Variants in DNAJC6 observed in about 807,000 individuals in gnomAD.
DNAJC6 encodes DnaJ heat shock protein family (Hsp40) member C6.
DNAJC6 carries 34 observed loss-of-function variants against 110.0 expected under a neutral mutation model. The observed-to-expected ratio is 0.31, with a 90% CI of 0.24 to 0.41. The LOEUF is 0.41. Ranked by LOEUF, DNAJC6 falls within the 10% of genes least tolerant of loss-of-function variation. The probability of loss-of-function intolerance (pLI) is 1.00; values close to 1 mark genes in which losing one functional copy is unlikely to be tolerated. For missense variants in DNAJC6, 1,031 were observed against 1,207.8 expected, an observed-to-expected ratio of 0.85 and a Z score of 2.17; for synonymous variants, 406 against 437.2, an observed-to-expected ratio of 0.93 and a Z score of 0.89.
At chr1:65,406,265 A>G in intron 16 of DNAJC6, 132 bp downstream of exon 16, 1 of 1,285,086 alleles carries the variant, frequency 7.8e-7, no homozygotes, top group Non-Finnish European at 1.1e-6. Flanking sequence ...GGAATCTTAT[A>G]GTTGTAGAGA....
At chr1:65,302,559 C>T (rs1352736352) in intron 1 of DNAJC6, among the ~76,000 whole-genome samples, 1 of 121,952 alleles carries the variant, frequency 8.2e-6, no homozygotes, top group African/African-American at 3.3e-5. Flanking sequence ...GACGGAGTCT[C>T]GCTCTGTCGC....
At chr1:65,291,390 C>CT (rs1247981220) in intron 1 of DNAJC6, among the ~76,000 whole-genome samples, 2 of 152,080 alleles carry the variant, frequency 1.3e-5, no homozygotes, top group Non-Finnish European at 2.9e-5. Flanking sequence ...ATTCTTTCAG[C>CT]TTTTTTGGTA....
intron 13 of DNAJC6, 133 bp from the exon 14 acceptor site, chr1:65,398,677 AAGG>A: frequency 1.3e-6 from 1 of 773,940 alleles, no homozygotes; most frequent in Non-Finnish European, 2.1e-6. Flanking sequence ...AAGAACTCAG[AAGG>A]AGGAGTGGAT....
At chr1:65,291,593 A>G (rs1185344283) in intron 1 of DNAJC6, among the ~76,000 whole-genome samples, 2 of 152,204 alleles carry the variant, frequency 1.3e-5, no homozygotes, top group African/African-American at 4.8e-5. Flanking sequence ...ATATCCCTGC[A>G]TACTTGAGTG....
At chr1:65,383,898 A>G (rs1438508905) in intron 5 of DNAJC6, among the ~76,000 whole-genome samples, 1 of 152,244 alleles carries the variant, frequency 6.6e-6, no homozygotes, top group Non-Finnish European at 1.5e-5. Flanking sequence ...TATTAATTCA[A>G]CAAGTCCAAA....
intron 4 of DNAJC6, 79 bp downstream of exon 4, chr1:65,366,275 G>A (rs1032380191): frequency 2.3e-5 from 34 of 1,479,566 alleles, no homozygotes; most frequent in Middle Eastern, 1.8e-4. Context: ...CTTAAAGCAC[G>A]TGCCCTTAGG....
chr1:65,310,516 T>C (rs1310530949), intron 1 of DNAJC6, among the ~76,000 whole-genome samples: 3 of 152,232 alleles, frequency 2.0e-5, no homozygotes, highest in Non-Finnish European at 4.4e-5. Flanking sequence ...TAGAGCTCTT[T>C]TACACAGCTT....
intron 1 of DNAJC6, among the ~76,000 whole-genome samples, chr1:65,335,265 C>A (rs35390779): frequency 0.13 from 17,960 of 142,240 alleles, 1,429 homozygotes; most frequent in East Asian, 0.27. Context: ...ACACCACCCA[C>A]GCCCAGCTAA....
intron 1 of DNAJC6, among the ~76,000 whole-genome samples, chr1:65,311,516 C>T (rs1238999735): frequency 1.3e-5 from 2 of 151,988 alleles, no homozygotes; most frequent in South Asian, 2.1e-4. Context: ...TGAGCCACCG[C>T]GCCCAGGCAG....
chr1:65,413,293 G>A lies in DNAJC6; in HGVS notation c.*268G>A, dbSNP rs1238633557. The A allele has an allele frequency of 2.0e-5, 7 of 346,834 alleles. No homozygotes were observed. The East Asian group carries it at 4.4e-4, about 22-fold the overall frequency. The allele number at this position is 346,834 out of a possible 1,614,324, so 21.5% of individuals were successfully genotyped here. A position where few individuals can be genotyped will look rare whatever the true frequency, so the allele number is the denominator to read the frequency against. ...CGCATTCCACCCTGCCCTTTGGGGA[G>A]CCTACTCAGCATTCTACCTGGGGAA... On this transcript the variant is annotated 3_prime_UTR_variant, in exon 19 of 19. Coordinates refer to ENST00000371069, the MANE Select transcript of DNAJC6 (RefSeq NM_001256864.2).
Position 65,385,841 on chromosome 1 carries a change from T to C in DNAJC6, c.930T>C (p.Pro310=), listed in dbSNP as rs2101600889. Residue 310 remains proline (P), a synonymous_variant, in exon 7 of 19, where the codon CCT becomes CCC. Coordinates refer to ENST00000371069, the MANE Select transcript of DNAJC6 (RefSeq NM_001256864.2). ...ACAAACAGAGGAATGGATGTCGCCC[T>C]TACTGTGATGTACTCATTGGAGAAA... ...FFNKQRNGCR[P]YCDVLIGETK... The C allele has an allele frequency of 1.2e-6, 2 of 1,614,062 alleles. No individual in the cohort carries two copies. Among genetic ancestry groups the C allele is most frequent in the Non-Finnish European group, 1.7e-6 (2 of 1,179,948 alleles).
At chr1:65,394,473 A>G (rs1482351579) in intron 12 of DNAJC6, among the ~76,000 whole-genome samples, 1 of 152,240 alleles carries the variant, frequency 6.6e-6, no homozygotes, top group Non-Finnish European at 1.5e-5. Context: ...ACATATTAGC[A>G]TTGTTGCAAA....
At chr1:65,321,504 A>T (rs1405677115) in intron 1 of DNAJC6, among the ~76,000 whole-genome samples, 9 of 152,106 alleles carry the variant, frequency 5.9e-5, no homozygotes, top group Admixed American at 5.9e-4. Context: ...GCCTAAATTT[A>T]ATTTTTTAAA....
At chr1:65,317,576 C>T (rs1209736784) in intron 1 of DNAJC6, among the ~76,000 whole-genome samples, 1 of 152,096 alleles carries the variant, frequency 6.6e-6, no homozygotes, top group Non-Finnish European at 1.5e-5. Context: ...ATGTCACCAC[C>T]AAGGAAGCAA....
chr1:65,335,666 A>T (rs1645329700), intron 1 of DNAJC6, among the ~76,000 whole-genome samples: 1 of 152,184 alleles, frequency 6.6e-6, no homozygotes, highest in Non-Finnish European at 1.5e-5. Flanking sequence ...CATGTTGAAT[A>T]GACGAGTAGT....
At chr1:65,412,170 C>T (rs77537709) in intron 18 of DNAJC6, among the ~76,000 whole-genome samples, 4 of 152,156 alleles carry the variant, frequency 2.6e-5, no homozygotes, top group Admixed American at 2.6e-4. Flanking sequence ...AATTTGCCCT[C>T]TCTTGATTAT....
intron 1 of DNAJC6, among the ~76,000 whole-genome samples, chr1:65,297,034 A>G (rs1157198068): frequency 3.3e-5 from 5 of 152,214 alleles, no homozygotes; most frequent in Non-Finnish European, 5.9e-5. Flanking sequence ...TGTAAGTGCT[A>G]TGTTAGAAGA....
chr1:65,412,847 A>G, intron 18 of DNAJC6, 77 bp from the exon 19 acceptor site: 2 of 1,179,950 alleles, frequency 1.7e-6, no homozygotes, highest in African/African-American at 1.5e-5. Context: ...TAGAGCCCAT[A>G]TATTGGCAGT....
chr1:65,386,019 A>T (rs959105759), intron 7 of DNAJC6, 113 bp downstream of exon 7: 1 of 1,099,212 alleles, frequency 9.1e-7, no homozygotes, highest in African/African-American at 1.6e-5. Context: ...GAAATAGCTG[A>T]TATATAAAAA....
Sources: allele counts gnomAD v4.1 joint callset (sites outside exome capture counted in the v4.1 genomes callset), GRCh38; gene constraint gnomAD v4.1.1; transcripts MANE v1.5; gene names NCBI Gene and HGNC (gene_info 2026-07-23, HGNC 2026-07-21).